P3H2: variants seen among roughly 807,000 people sequenced by gnomAD.
P3H2 encodes leprecan-like 1.
Under a neutral mutation model 87.0 loss-of-function variants are expected in P3H2, and 80 were observed. The observed-to-expected ratio is 0.92, with a 90% CI of 0.77 to 1.11. The LOEUF (loss-of-function observed/expected upper bound fraction) is 1.11, where lower values mean the gene tolerates loss of function less well. Ranked by LOEUF, P3H2 falls within the 50% of genes least tolerant of loss-of-function variation. The pLI is 0.00. For missense variants in P3H2, 1,001 were observed against 923.9 expected (o/e 1.08, Z -1.08); for synonymous variants, 367 against 359.3 (o/e 1.02, Z -0.24).
In P3H2 at chr3:189,984,603, G is replaced by C. The variant is rs373492577; in HGVS notation, c.1189-13C>G. The C allele has an allele frequency of 6.7e-7, 1 of 1,500,392 alleles. No individual in the cohort carries two copies. The allele number at this position is 1,500,392 out of a possible 1,614,324, so 92.9% of individuals were successfully genotyped here. ...TGATCCAATAATTCTGTTTTGAATCGAGTAAAAAAAAAAATGCAGTAATTT... is the reference window on the plus strand; with the variant it reads ...TGATCCAATAATTCTGTTTTGAATCCAGTAAAAAAAAAAATGCAGTAATTT... On this transcript the variant is annotated splice_polypyrimidine_tract_variant and intron_variant, in intron 6 of 14. Transcript: ENST00000319332.
At chr3:190,118,647 G>A (rs13319406) in intron 1 of P3H2, among the ~76,000 whole-genome samples, 23,613 of 151,722 alleles carry the variant, frequency 0.16, 2,127 homozygotes, top group Middle Eastern at 0.26. Flanking sequence ...CACAACACAA[G>A]GAAGTTAAGA....
At chr3:190,100,156 C>G (rs1166769607) in intron 1 of P3H2, among the ~76,000 whole-genome samples, 1 of 151,702 alleles carries the variant, frequency 6.6e-6, no homozygotes, top group Non-Finnish European at 1.5e-5. Context: ...ATTGCTCGAA[C>G]TGGGGAGGCA....
At chr3:190,085,382 G>A (rs925314555) in intron 1 of P3H2, among the ~76,000 whole-genome samples, 1 of 152,182 alleles carries the variant, frequency 6.6e-6, no homozygotes, top group Non-Finnish European at 1.5e-5. Context: ...CTAATTAAAA[G>A]TCTCTGGATA....
chr3:189,993,924 C>T (rs907477156), intron 3 of P3H2, among the ~76,000 whole-genome samples, 170 bp downstream of exon 3: 9 of 152,006 alleles, frequency 5.9e-5, no homozygotes, highest in Non-Finnish European at 1.3e-4. Context: ...AAGACAGTCA[C>T]CAAAATTTTA....
chr3:189,967,659 T>G lies in P3H2; in HGVS notation c.1893+3157A>C, dbSNP rs560792177. 2.0e-5 allele frequency among the ~76,000 whole-genome samples: 3 copies of G among 152,080 alleles called. No individual in the cohort carries two copies. In the East Asian group the frequency reaches 5.8e-4, roughly 29 times the overall value. ...ACAGATCGTCAATCTTGATTTAATT[T>G]ATCAGATTACGGAGTATTAAAGTAC... On this transcript the variant is annotated intron_variant, in intron 13 of 14. Coordinates refer to ENST00000319332, the MANE Select transcript of P3H2 (RefSeq NM_018192.4).
chr3:189,964,182 T>C, intron 13 of P3H2, 84 bp from the exon 14 acceptor site: 1 of 1,328,350 alleles, frequency 7.5e-7, no homozygotes, highest in Non-Finnish European at 1.1e-6. Context: ...TATGAGATTA[T>C]TTGAGTTAAG....
At position 190,080,668 on chromosome 3, in the gene P3H2, C is replaced by T. The variant is rs538580822; in HGVS notation, c.480+39584G>A. 2.2e-4 allele frequency among the ~76,000 whole-genome samples: 33 copies of T among 152,266 alleles called. No individual in the cohort carries two copies. In the South Asian group the frequency reaches 2.9e-3, roughly 13 times the overall value. On this transcript the variant is annotated intron_variant, in intron 1 of 14. Transcript: ENST00000319332. ...CCTCCTGCCTCGGCCTCCCAAAGTGCTGGGATTACAGGTGTGAGCCACCGC... is the reference window on the plus strand; with the variant it reads ...CCTCCTGCCTCGGCCTCCCAAAGTGTTGGGATTACAGGTGTGAGCCACCGC...
chr3:190,061,981 T>G (rs2108967144), intron 1 of P3H2, among the ~76,000 whole-genome samples: 1 of 152,264 alleles, frequency 6.6e-6, no homozygotes, highest in African/African-American at 2.4e-5. Context: ...TATTAGGTAC[T>G]TAATACATGG....
At chr3:190,095,311 T>TCC (rs1455188786) in intron 1 of P3H2, among the ~76,000 whole-genome samples, 2 of 80,618 alleles carry the variant, frequency 2.5e-5, no homozygotes, top group African/African-American at 8.5e-5. Context: ...AACATATATA[T>TCC]ATATATATAT....
At chr3:190,083,970 T>C (rs1216319257) in intron 1 of P3H2, among the ~76,000 whole-genome samples, 3 of 152,216 alleles carry the variant, frequency 2.0e-5, no homozygotes, top group African/African-American at 7.2e-5. Flanking sequence ...TCTAAGTACC[T>C]AATGTACTCC....
rs184834664 is a variant in P3H2, at chr3:190,117,929, C to T, written c.480+2323G>A. ...GTAGGGAGAAGACGCAAGACTTGTT[C>T]TGCTCTCAGAAATATTGCTGGTAGA... On this transcript the variant is annotated intron_variant, in intron 1 of 14. Coordinates refer to ENST00000319332, the MANE Select transcript of P3H2 (RefSeq NM_018192.4). 3.6e-3 allele frequency among the ~76,000 whole-genome samples: 553 copies of T among 152,274 alleles called. 2 individuals carry two copies. The highest frequency in any genetic ancestry group is 6.4e-3 in the Non-Finnish European group (434 of 68,014).
rs533062878 is a variant in P3H2, at chr3:190,060,536, AT to A, written c.480+59715del. On this transcript the variant is annotated intron_variant, in intron 1 of 14. Coordinates refer to ENST00000319332, the MANE Select transcript of P3H2 (RefSeq NM_018192.4). ...TTTCCTCTCAATTCTTCTAATTCCA[AT>A]TTTATATTTTTTAATAGCTATCATT... Among the ~76,000 whole-genome samples the A allele has an allele frequency of 2.8e-3, 427 of 152,270 alleles. 3 individuals are homozygous for A. The highest frequency in any genetic ancestry group is 9.9e-3 in the African/African-American group (410 of 41,564).
chr3:190,038,977 G>T (rs1305234748), intron 1 of P3H2, among the ~76,000 whole-genome samples: 2 of 152,132 alleles, frequency 1.3e-5, no homozygotes, highest in Non-Finnish European at 2.9e-5. Context: ...ATCACCTGAG[G>T]TCGCGAGTTC....
intron 1 of P3H2, among the ~76,000 whole-genome samples, chr3:190,097,937 C>A (rs558080633): frequency 6.6e-6 from 1 of 151,998 alleles, no homozygotes; most frequent in African/African-American, 2.4e-5. Context: ...TTTATGTAAG[C>A]GCAATAGCAT....
intron 1 of P3H2, among the ~76,000 whole-genome samples, chr3:190,099,123 C>G (rs1398278858): frequency 6.6e-6 from 1 of 151,892 alleles, no homozygotes; most frequent in East Asian, 1.9e-4. Flanking sequence ...AGTAATTTAA[C>G]TAATAAAAAC....
At chr3:189,962,865 CA>C (rs1420338436) in intron 14 of P3H2, among the ~76,000 whole-genome samples, 5 of 152,146 alleles carry the variant, frequency 3.3e-5, no homozygotes, top group Admixed American at 1.3e-4. Flanking sequence ...AGGAACCTAA[CA>C]AGGAAAACTG....
chr3:190,037,449 C>T (rs967530503), intron 1 of P3H2, among the ~76,000 whole-genome samples: 1 of 152,050 alleles, frequency 6.6e-6, no homozygotes, highest in Non-Finnish European at 1.5e-5. Context: ...AGGGAAGAAT[C>T]ATTGCTCTGG....
intron 1 of P3H2, among the ~76,000 whole-genome samples, chr3:190,095,758 G>A (rs1020449741): frequency 1.3e-4 from 19 of 151,768 alleles, no homozygotes; most frequent in East Asian, 1.9e-4. Context: ...CCGCCACCAC[G>A]CCTGGCTAAT....
intron 1 of P3H2, among the ~76,000 whole-genome samples, chr3:190,052,689 G>GTATATATATA (rs112938637): frequency 1.0e-4 from 15 of 148,442 alleles, no homozygotes; most frequent in African/African-American, 3.7e-4. Context: ...GTGTGTGTGT[G>GTATATATATA]TATATATATA....
Sources: gnomAD v4.1 joint callset for allele counts (sites outside exome capture counted in the v4.1 genomes callset) on GRCh38, gnomAD v4.1.1 for gene constraint, MANE v1.5 for transcripts, NCBI Gene and HGNC (gene_info 2026-07-23, HGNC 2026-07-21) for gene names.